AR: variants seen among roughly 807,000 people sequenced by gnomAD.
AR encodes the protein dihydrotestosterone receptor.
Under a neutral mutation model 53.9 loss-of-function variants are expected in AR, and 8 were observed. That is an observed-to-expected ratio of 0.15 (90% confidence interval 0.09 to 0.27). The LOEUF (loss-of-function observed/expected upper bound fraction) is 0.27. Among genes scored for constraint, AR ranks in the 10% least tolerant of loss-of-function variants. The pLI is 1.00. For synonymous variants in AR, 359 were observed against 316.4 expected (o/e 1.13, Z -1.43); for missense variants, 639 against 742.5 (o/e 0.86, Z 1.62).
chrX:67,604,787 C>G (rs1382353106), intron 1 of AR, among the ~76,000 whole-genome samples: 1 of 111,695 alleles, frequency 9.0e-6, no homozygotes, highest in Non-Finnish European at 1.9e-5. Flanking sequence ...GTCATTGGTG[C>G]CAGAGTATCA....
In AR at chrX:67,608,633, A is replaced by T. The variant is rs375396941; in HGVS notation, c.1617-34623A>T. ...ACATGAGTTGAAATTCAGACCTGCA[A>T]TGAAGTGTTTTTAAAAGATTTAAAA... On this transcript the variant is annotated intron_variant, in intron 1 of 7. Coordinates refer to ENST00000374690, the MANE Select transcript of AR (RefSeq NM_000044.6). 3.6e-5 allele frequency among the ~76,000 whole-genome samples: 4 copies of T among 112,245 alleles called. No individual in the cohort carries two copies. In the South Asian group the frequency reaches 1.1e-3, roughly 31 times the overall value.
intron 2 of AR, among the ~76,000 whole-genome samples, chrX:67,681,976 TATGATCATCTCAATAGA>T (rs1278613728): frequency 2.7e-5 from 3 of 112,190 alleles, no homozygotes; most frequent in African/African-American, 9.7e-5. Flanking sequence ...ACAAAAACTA[TATGATCATCTCAATAGA>T]TGCAGAAAAA....
chrX:67,610,214 G>A (rs908840543), intron 1 of AR, among the ~76,000 whole-genome samples: 6 of 111,035 alleles, frequency 5.4e-5, no homozygotes, highest in African/African-American at 2.0e-4. Context: ...GAGACCCAAA[G>A]GAAAGGTCAA....
chrX:67,689,305 T>G (rs892407447), intron 3 of AR, among the ~76,000 whole-genome samples: 4 of 111,391 alleles, frequency 3.6e-5, no homozygotes, highest in African/African-American at 1.3e-4. Context: ...GATATCTGTC[T>G]AAAAGTAGAC....
chrX:67,595,651 CAAA>C (rs10706297), intron 1 of AR, among the ~76,000 whole-genome samples: 2 of 91,930 alleles, frequency 2.2e-5, no homozygotes, highest in Admixed American at 1.2e-4. Flanking sequence ...CAAAAATATA[CAAA>C]AAAAAAAAAA....
At position 67,711,524 on chromosome X, in the gene AR, T is replaced by A. The variant is rs2147524616; in HGVS notation, c.2008T>A (p.Cys670Ser). 1.7e-6 allele frequency: 2 copies of A among 1,211,496 alleles called. No homozygotes were observed. The highest frequency in any genetic ancestry group is 1.1e-6 in the Non-Finnish European group (1 of 895,473). The change falls in exon 4 of 8, where the codon TGT becomes AGT. Residue 670 changes from cysteine (C) to serine (S), a missense_variant. By Grantham distance (112) the Cys-to-Ser change is moderately radical (BLOSUM62 -1). Around this residue, in one of 5 missense-constraint regions of AR, gnomAD observed 47 missense variants for 35.9 expected, o/e 1.31. Transcript: ENST00000374690. The stretch of plus-strand genomic sequence containing the variant: ...AGTGTCACACATTGAAGGCTATGAA[T>A]GTCAGCCCATCTTTCTGAATGTCCT... ...LTVSHIEGYE[C>S]QPIFLNVLEA...
chrX:67,683,550 A>G (rs1417028858), intron 2 of AR, among the ~76,000 whole-genome samples: 1 of 112,623 alleles, frequency 8.9e-6, no homozygotes, highest in Admixed American at 9.4e-5. Flanking sequence ...CCAAGGTCAT[A>G]TAGTGAGTTA....
At chrX:67,582,124 A>G (rs1262398473) in intron 1 of AR, among the ~76,000 whole-genome samples, 2 of 112,084 alleles carry the variant, frequency 1.8e-5, no homozygotes, top group African/African-American at 6.5e-5. Flanking sequence ...TATCATATCT[A>G]TTTTGCAAAA....
At chrX:67,600,124 A>G (rs1287559104) in intron 1 of AR, among the ~76,000 whole-genome samples, 2 of 111,741 alleles carry the variant, frequency 1.8e-5, no homozygotes. Flanking sequence ...ATATACCTCA[A>G]GTTGCTAAAA....
rs769113571 is a variant in AR at position 67,690,458 on chromosome X, T to C, written c.1885+4332T>C. Reference sequence around the variant, plus strand: ...TCAAGAGCATCCCAGCATTGCTACCTCAGGATCCCATGTCCTGAATGCAAC... The same window carrying C: ...TCAAGAGCATCCCAGCATTGCTACCCCAGGATCCCATGTCCTGAATGCAAC... On this transcript the variant is annotated intron_variant, in intron 3 of 7. Coordinates refer to ENST00000374690, the MANE Select transcript of AR (RefSeq NM_000044.6). 9.0e-5 allele frequency among the ~76,000 whole-genome samples: 10 copies of C among 111,673 alleles called. No individual in the cohort carries two copies. In the East Asian group the frequency reaches 2.8e-3, roughly 32 times the overall value.
intron 2 of AR, among the ~76,000 whole-genome samples, chrX:67,684,037 A>G (rs1012545109): frequency 1.4e-4 from 16 of 111,935 alleles, no homozygotes; most frequent in African/African-American, 5.2e-4. Flanking sequence ...CCTGGGGAAG[A>G]TGAGATTTCT....
intron 2 of AR, among the ~76,000 whole-genome samples, chrX:67,668,504 G>T (rs1927375156): frequency 9.1e-6 from 1 of 109,579 alleles, no homozygotes; most frequent in Non-Finnish European, 1.9e-5. Context: ...GTTTATCAGG[G>T]ATATTGGCCT....
At chrX:67,723,547 A>G in intron 7 of AR, 139 bp from the exon 8 acceptor site, 1 of 643,689 alleles carries the variant, frequency 1.6e-6, no homozygotes, top group Non-Finnish European at 2.5e-6. Flanking sequence ...ACACGACCTC[A>G]TGGGGGAGGA....
chrX:67,597,834 A>G (rs1322434509), intron 1 of AR, among the ~76,000 whole-genome samples: 6 of 112,241 alleles, frequency 5.3e-5, no homozygotes, highest in Non-Finnish European at 9.4e-5. Flanking sequence ...GAATTATCCA[A>G]CTACCACTTT....
chrX:67,597,453 G>T (rs1923135875), intron 1 of AR, among the ~76,000 whole-genome samples: 1 of 111,699 alleles, frequency 9.0e-6, no homozygotes, highest in African/African-American at 3.3e-5. Flanking sequence ...GTTCAAAATT[G>T]AATTAGGTAC....
At chrX:67,626,633 T>C (rs1454516299) in intron 1 of AR, among the ~76,000 whole-genome samples, 1 of 100,224 alleles carries the variant, frequency 1.0e-5, no homozygotes, top group Non-Finnish European at 2.0e-5. Context: ...TATATATATA[T>C]ATTTATTATT....
intron 1 of AR, among the ~76,000 whole-genome samples, chrX:67,608,571 G>A (rs1397940706): frequency 8.9e-6 from 1 of 111,843 alleles, no homozygotes; most frequent in African/African-American, 3.2e-5. Flanking sequence ...TAATAAATCA[G>A]TATTAGTGAA....
chrX:67,638,018 C>A (rs1925540521), intron 1 of AR, among the ~76,000 whole-genome samples: 1 of 110,573 alleles, frequency 9.0e-6, no homozygotes, highest in South Asian at 3.9e-4. Flanking sequence ...TGTTCCCTAG[C>A]CTGTGTCCAA....
intron 5 of AR, among the ~76,000 whole-genome samples, chrX:67,721,116 T>G (rs2076134072): frequency 9.0e-6 from 1 of 111,690 alleles, no homozygotes; most frequent in Admixed American, 9.5e-5. Flanking sequence ...CTCACATATG[T>G]CTACAGTTTC....
Sources: gnomAD v4.1 joint callset for allele counts (sites outside exome capture counted in the v4.1 genomes callset) on GRCh38, gnomAD v4.1.1 for gene constraint, gnomAD v4.1.1 regional missense constraint, MANE v1.5 for transcripts, NCBI Gene and HGNC (gene_info 2026-07-23, HGNC 2026-07-21) for gene names.